AGO2: variants seen among roughly 807,000 people sequenced by gnomAD.
AGO2 encodes argonaute RISC catalytic component 2, also known as protein argonaute-2.
Under a neutral mutation model 102.3 loss-of-function variants are expected in AGO2, and 5 were observed. The observed-to-expected ratio is 0.05, with a 90% CI of 0.03 to 0.10. AGO2 has a LOEUF of 0.10. Among genes scored for constraint, AGO2 ranks in the 10% least tolerant of loss-of-function variants. AGO2 has a pLI of 1.00. For missense variants in AGO2, 541 were observed against 1,183.7 expected (o/e 0.46, Z 7.97); for synonymous variants, 449 against 473.1 (o/e 0.95, Z 0.66).
chr8:140,578,015 CA>C (rs2073493929), intron 2 of AGO2, among the ~76,000 whole-genome samples: 1 of 152,222 alleles, frequency 6.6e-6, no homozygotes, highest in Non-Finnish European at 1.5e-5. Context: ...CTACAATGCA[CA>C]CCCGTGGAGT....
chr8:140,585,932 G>A (rs1266541749), intron 1 of AGO2, among the ~76,000 whole-genome samples: 1 of 152,152 alleles, frequency 6.6e-6, no homozygotes, highest in Non-Finnish European at 1.5e-5. Context: ...TGTTCTTACT[G>A]TATTTCTGAC....
rs574106227 is a variant in AGO2 at position 140,586,859 on chromosome 8, C to T, written c.23-1548G>A. 8.5e-5 allele frequency among the ~76,000 whole-genome samples: 13 copies of T among 152,166 alleles called. 1 individual carries two copies. Among genetic ancestry groups the T allele is most frequent in the Non-Finnish European group, 1.8e-4 (12 of 68,022 alleles). Reference sequence around the variant, plus strand: ...GGGAATCTGGCCCTGTGGCCAATCTCGATTTCAGGGTCGGGCACGCTCCTC... The same window carrying T: ...GGGAATCTGGCCCTGTGGCCAATCTTGATTTCAGGGTCGGGCACGCTCCTC... On this transcript the variant is annotated intron_variant, in intron 1 of 18. Coordinates refer to ENST00000220592, the MANE Select transcript of AGO2 (RefSeq NM_012154.5).
At chr8:140,549,088 C>T (rs867705852) in intron 12 of AGO2, 26 bp downstream of exon 12, 43 of 1,572,554 alleles carry the variant, frequency 2.7e-5, no homozygotes, top group Middle Eastern at 2.2e-4. Flanking sequence ...CGGCTCCCCA[C>T]AGCCAGCGGG....
chr8:140,548,214 G>A (rs1188001733), intron 12 of AGO2, among the ~76,000 whole-genome samples: 1 of 151,874 alleles, frequency 6.6e-6, no homozygotes, highest in Admixed American at 6.6e-5. Context: ...TACTCGGGAG[G>A]CTGAGGCAGG....
upstream of AGO2, among the ~76,000 whole-genome samples, chr8:140,640,154 G>A (rs775925006): frequency 1.1e-4 from 17 of 152,010 alleles, no homozygotes; most frequent in East Asian, 2.1e-3. Context: ...GATTACAGGC[G>A]CATGCCACCA....
chr8:140,603,138 G>A (rs1294319767), intron 1 of AGO2, among the ~76,000 whole-genome samples: 2 of 152,236 alleles, frequency 1.3e-5, no homozygotes, highest in Admixed American at 1.3e-4. Flanking sequence ...GATGGTGCGG[G>A]TTGACTCAGG....
rs759032398 is a variant in AGO2 at position 140,551,130 on chromosome 8, T to C, written c.1403+173A>G. Among the ~76,000 whole-genome samples, 11 of 152,188 alleles carry C rather than the reference T, an allele frequency of 7.2e-5. No homozygotes were observed. The East Asian group carries it at 2.1e-3, about 29-fold the overall frequency. ...GGGCACCAATGGGGCCAGCATGTCT[T>C]GCCCTGGCCCGGCCAATGGTACGTG... On this transcript the variant is annotated intron_variant, in intron 11 of 18. Coordinates refer to ENST00000220592, the MANE Select transcript of AGO2 (RefSeq NM_012154.5).
intron 1 of AGO2, among the ~76,000 whole-genome samples, chr8:140,609,936 A>G (rs1459567701): frequency 6.6e-6 from 1 of 151,454 alleles, no homozygotes; most frequent in African/African-American, 2.4e-5. Context: ...GCTCACACCT[A>G]TAATCCCAGC....
chr8:140,568,955 GC>G (rs1444127171), intron 3 of AGO2, among the ~76,000 whole-genome samples: 1 of 152,200 alleles, frequency 6.6e-6, no homozygotes. Context: ...CCAGGCCCAG[GC>G]TGGGCAGGCT....
chr8:140,581,073 C>A lies in AGO2; in HGVS notation c.215+4046G>T, dbSNP rs191451891. ...GCTGCTTGTGTACTGTGGTCGATGGCCTAAGGGCCCCCCTGCTACCGCACC... is the reference window on the plus strand; with the variant it reads ...GCTGCTTGTGTACTGTGGTCGATGGACTAAGGGCCCCCCTGCTACCGCACC... On this transcript the variant is annotated intron_variant, in intron 2 of 18. Transcript: ENST00000220592. 2.0e-3 allele frequency among the ~76,000 whole-genome samples: 311 copies of A among 152,370 alleles called. 2 individuals are homozygous for A. Among genetic ancestry groups the A allele is most frequent in the African/African-American group, 7.0e-3 (292 of 41,586 alleles).
At position 140,568,299 on chromosome 8, in the gene AGO2, A is replaced by AAAAAAAG. The variant is rs1368365026; in HGVS notation, c.336+4512_336+4513insCTTTTTT. ...ACCATGTCTGGGGGAAAAAAAAAAA[A>AAAAAAAG]AGAGAGAGCACAAAGAAACTGTGTA... is the stretch of plus-strand genomic sequence containing the variant. On this transcript the variant is annotated intron_variant, in intron 3 of 18. Transcript: ENST00000220592. 1.9e-3 allele frequency among the ~76,000 whole-genome samples: 280 copies of AAAAAAAG among 150,412 alleles called. 1 individual carries two copies. Among genetic ancestry groups the AAAAAAAG allele is most frequent in the African/African-American group, 6.4e-3 (262 of 41,006 alleles).
At chr8:140,638,546 C>G (rs1353010479), upstream of AGO2, among the ~76,000 whole-genome samples, 1 of 152,202 alleles carries the variant, frequency 6.6e-6, no homozygotes, top group Non-Finnish European at 1.5e-5. Context: ...AGGTAGAGGT[C>G]TTCTATGATC....
chr8:140,551,059 G>A (rs186735785), intron 11 of AGO2, among the ~76,000 whole-genome samples: 14 of 152,292 alleles, frequency 9.2e-5, no homozygotes, highest in East Asian at 3.9e-4. Context: ...TACGGTCTGC[G>A]TTACTTCTCC....
At chr8:140,578,019 C>T (rs982115110) in intron 2 of AGO2, among the ~76,000 whole-genome samples, 2 of 152,184 alleles carry the variant, frequency 1.3e-5, no homozygotes, top group African/African-American at 2.4e-5. Flanking sequence ...AATGCACACC[C>T]GTGGAGTCGG....
rs1480698623 is a variant in AGO2, at chr8:140,541,411, T to C, written c.1840-53A>G. On this transcript the variant is annotated intron_variant, in intron 14 of 18. Transcript: ENST00000220592. ...AGGGGTTCCCAAAACTTTCCTTTCC[T>C]GGGCATGTGCCTGGACTCTCGGGAA... is the stretch of plus-strand genomic sequence containing the variant. 3 of 1,485,732 alleles carry C rather than the reference T, an allele frequency of 2.0e-6. No individual in the cohort carries two copies. In the Admixed American group the frequency reaches 6.7e-5, roughly 33 times the overall value. 92.0% of individuals were successfully genotyped at this position (1,485,732 alleles called of 1,614,324 possible).
chr8:140,613,188 AG>A (rs1490966736), intron 1 of AGO2, among the ~76,000 whole-genome samples: 23 of 152,214 alleles, frequency 1.5e-4, no homozygotes, highest in African/African-American at 5.5e-4. Context: ...CGACAGAGCA[AG>A]ACTCCGTCTC....
At chr8:140,559,043 G>A (rs748495591) in intron 6 of AGO2, among the ~76,000 whole-genome samples, 1 of 152,092 alleles carries the variant, frequency 6.6e-6, no homozygotes, top group Admixed American at 6.6e-5. Context: ...GACACCTGCC[G>A]GGCTGTGTAA....
chr8:140,628,371 G>A lies in AGO2; in HGVS notation c.22+7114C>T, dbSNP rs577866587. On this transcript the variant is annotated intron_variant, in intron 1 of 18. Transcript: ENST00000220592. ...GCAGCCCCACCAGGGAGCCAGGCAC[G>A]TGGAGCTGCAGGCACGTGTGTGTGT... Among the ~76,000 whole-genome samples, 9 of 152,390 alleles carry A rather than the reference G, an allele frequency of 5.9e-5. No individual in the cohort carries two copies. The South Asian group carries it at 6.2e-4, about 11-fold the overall frequency.
Position 140,524,004 on chromosome 8 carries a change from C to G in AGO2, c.*8040G>C, listed in dbSNP as rs754690376. The G allele has an allele frequency of 5.9e-5, 9 of 152,324 alleles. 1 individual carries two copies. Among genetic ancestry groups the G allele is most frequent in the Admixed American group, 5.2e-4 (8 of 15,298 alleles). The allele number at this position is 152,324 out of a possible 1,614,324, so 9.4% of individuals were successfully genotyped here. On this transcript the variant is annotated 3_prime_UTR_variant, in exon 19 of 19. Transcript: ENST00000220592. ...CATTGGCCAAGAAACTGCTCAATAC[C>G]TGGCTTGAAAAAGCTAGAGATAAAA...
Sources: allele counts gnomAD v4.1 joint callset (sites outside exome capture counted in the v4.1 genomes callset), GRCh38; gene constraint gnomAD v4.1.1; transcripts MANE v1.5; gene names NCBI Gene and HGNC (gene_info 2026-07-23, HGNC 2026-07-21).